Variants in DNAH5 observed in about 807,000 individuals in gnomAD.
DNAH5 encodes axonemal beta dynein heavy chain 5.
A neutral mutation model predicts 518.2 loss-of-function variants in DNAH5; 372 were observed. The ratio of observed to expected loss-of-function variants is 0.72; its 90% CI spans 0.66 to 0.78. The LOEUF is 0.78. Ranked by LOEUF, DNAH5 falls within the 30% of genes least tolerant of loss-of-function variation. DNAH5 has a pLI of 0.00. For synonymous variants in DNAH5, 2,039 were observed against 2,025.9 expected (o/e 1.01, Z -0.17); for missense variants, 5,523 against 5,687.0 (o/e 0.97, Z 0.93).
chr5:13,877,254 G>A (rs546030585), intron 21 of DNAH5, among the ~76,000 whole-genome samples: 1 of 152,284 alleles, frequency 6.6e-6, no homozygotes, highest in African/African-American at 2.4e-5. Context: ...TCTTTGAGCT[G>A]TCTGGGAGCT....
chr5:13,866,215 A>AT lies in DNAH5; in HGVS notation c.4116+4dup, dbSNP rs1293274392. ...TTAGAAAGTCATAGAAACTAAAAAG[A>AT]TTACCTGAAACATGATAAGCCTGTC... On this transcript the variant is annotated splice_donor_region_variant and intron_variant, in intron 26 of 78. Coordinates refer to ENST00000265104, the MANE Select transcript of DNAH5 (RefSeq NM_001369.3). 6.2e-7 allele frequency: 1 copy of AT among 1,613,112 alleles called. No individual in the cohort carries two copies. Among genetic ancestry groups the AT allele is most frequent in the Non-Finnish European group, 8.5e-7 (1 of 1,179,266 alleles).
chr5:13,723,587 T>A (rs561726703), intron 70 of DNAH5, among the ~76,000 whole-genome samples: 2 of 152,268 alleles, frequency 1.3e-5, no homozygotes, highest in South Asian at 4.1e-4. Flanking sequence ...GGCCAAATCA[T>A]CTCTATTGCA....
At chr5:13,709,601 T>C (rs945617350) in intron 75 of DNAH5, among the ~76,000 whole-genome samples, 19 of 152,146 alleles carry the variant, frequency 1.2e-4, no homozygotes, top group Admixed American at 5.9e-4. Flanking sequence ...GAGGCTTGCA[T>C]TGTGAACATT....
chr5:13,708,241 A>G lies in DNAH5; in HGVS notation c.13220T>C (p.Val4407Ala). The G allele has an allele frequency of 6.2e-7, 1 of 1,614,188 alleles. No individual in the cohort carries two copies. The highest frequency in any genetic ancestry group is 8.5e-7 in the Non-Finnish European group (1 of 1,180,020). The change falls in exon 76 of 79, where the codon GTC (valine) becomes GCC (alanine). Residue 4407 changes from valine (V) to alanine (A), a missense_variant. This residue lies in a region of DNAH5 where 387 missense variants were observed against 430.0 expected (regional missense o/e 0.90). Transcript: ENST00000265104. The part of the protein sequence containing the change: ...IDRMQRVLSL[V>A]RSTLTELKLA... ...TTTCAGCTCAGTGAGGGTGCTGCGG[A>G]CAAGGCTGAGTACCCTTTGCATTCT...
In DNAH5 at chr5:13,785,090, C is replaced by T. The variant is rs534061391; in HGVS notation, c.8820+1089G>A. ...TATACTATGAAATAATTATATAGCT[C>T]GCCATAATGTAGAATCAGTGGGTGC... On this transcript the variant is annotated intron_variant, in intron 52 of 78. Transcript: ENST00000265104. Among the ~76,000 whole-genome samples the T allele has an allele frequency of 3.9e-5, 6 of 152,058 alleles. No individual in the cohort carries two copies. In the East Asian group the frequency reaches 5.8e-4, roughly 15 times the overall value.
chr5:13,774,806 G>C (rs1383850122), intron 55 of DNAH5, among the ~76,000 whole-genome samples: 1 of 152,108 alleles, frequency 6.6e-6, no homozygotes, highest in Non-Finnish European at 1.5e-5. Context: ...TAAGACCTTT[G>C]TCTACAAAAG....
intron 29 of DNAH5, among the ~76,000 whole-genome samples, chr5:13,860,910 CTTAA>C (rs940836564): frequency 9.2e-5 from 14 of 152,200 alleles, no homozygotes; most frequent in African/African-American, 3.4e-4. Flanking sequence ...TTTCCATATT[CTTAA>C]TTGTTAACCA....
At chr5:13,710,074 A>T (rs1743288281) in intron 75 of DNAH5, among the ~76,000 whole-genome samples, 2 of 152,076 alleles carry the variant, frequency 1.3e-5, no homozygotes, top group Non-Finnish European at 2.9e-5. Flanking sequence ...CCCCACCGCC[A>T]ACTCCGCCAG....
At position 13,810,092 on chromosome 5, in the gene DNAH5, C is replaced by T. The variant is rs763529076; in HGVS notation, c.7576G>A (p.Asp2526Asn). ...LELPPPAGPGDTAFDYYVAPD... is the reference protein window; with the variant it reads ...LELPPPAGPGNTAFDYYVAPD... ...GCCACATAGTAGTCGAAGGCGGTGT[C>T]CCCGGGCCCCGCTGGCGGCGGCAGC... The change falls in exon 45 of 79, where the codon GAC (aspartate) becomes AAC (asparagine). Residue 2526 changes from aspartate to asparagine, a missense_variant. Around this residue, in one of 3 missense-constraint regions of DNAH5, gnomAD observed 5,121 missense variants for 5,223.3 expected, o/e 0.98. Coordinates refer to ENST00000265104, the MANE Select transcript of DNAH5 (RefSeq NM_001369.3). 1.3e-6 allele frequency: 2 copies of T among 1,552,558 alleles called. No individual in the cohort carries two copies. Among genetic ancestry groups the T allele is most frequent in the South Asian group, 1.2e-5 (1 of 84,190 alleles).
chr5:13,823,888 C>G (rs900346103), intron 39 of DNAH5, among the ~76,000 whole-genome samples: 5 of 152,188 alleles, frequency 3.3e-5, no homozygotes, highest in African/African-American at 1.2e-4. Flanking sequence ...CTACCAGGCT[C>G]TACCAGACTC....
intron 76 of DNAH5, among the ~76,000 whole-genome samples, chr5:13,702,452 C>T (rs999920219): frequency 3.3e-5 from 5 of 152,144 alleles, no homozygotes; most frequent in African/African-American, 9.7e-5. Context: ...ATACTACGTT[C>T]GGTCTGAGGG....
chr5:13,810,314 G>T (rs536321293), intron 44 of DNAH5, 54 bp from the exon 45 acceptor site: 1 of 1,475,360 alleles, frequency 6.8e-7, no homozygotes, highest in Non-Finnish European at 9.3e-7. Flanking sequence ...CCCAAACGTT[G>T]CTCTAGGGTT....
chr5:13,770,946 G>A lies in DNAH5; in HGVS notation c.9408C>T (p.Asp3136=), dbSNP rs1440438175. The A allele has an allele frequency of 1.7e-5, 27 of 1,614,022 alleles. No homozygotes were observed. The highest frequency in any genetic ancestry group is 2.3e-5 in the Non-Finnish European group (27 of 1,179,924). The change falls in exon 56 of 79, where the codon GAC becomes GAT. Residue 3136 remains aspartate (D), a synonymous_variant. Coordinates refer to ENST00000265104, the MANE Select transcript of DNAH5 (RefSeq NM_001369.3). The part of the protein sequence containing the change: ...SEHFLTSYDI[D]CSLEIKKEVV... ...CCTCCTTCTTGATTTCCAAACTGCAGTCAATATCATAGGAAGTGAGGAAGT... is the reference window on the plus strand; with the variant it reads ...CCTCCTTCTTGATTTCCAAACTGCAATCAATATCATAGGAAGTGAGGAAGT...
chr5:13,919,415 C>CGTCTA, intron 6 of DNAH5, 63 bp from the exon 7 acceptor site: 2 of 1,577,788 alleles, frequency 1.3e-6, no homozygotes, highest in Non-Finnish European at 1.7e-6. Flanking sequence ...AAGTTATAAA[C>CGTCTA]AAGCAAAAAA....
chr5:13,958,985 G>A (rs1176658981), intron 1 of DNAH5, among the ~76,000 whole-genome samples: 2 of 152,162 alleles, frequency 1.3e-5, no homozygotes, highest in Non-Finnish European at 2.9e-5. Context: ...TTGAGATGGA[G>A]TCTCCATCTG....
chr5:13,999,858 T>C (rs1326207133), intron 1 of DNAH5, among the ~76,000 whole-genome samples: 2 of 152,226 alleles, frequency 1.3e-5, no homozygotes, highest in African/African-American at 4.8e-5. Context: ...ACACTTGCCC[T>C]TTGTTGTTGC....
chr5:14,001,137 A>G (rs531261928), intron 1 of DNAH5, among the ~76,000 whole-genome samples: 4 of 152,256 alleles, frequency 2.6e-5, no homozygotes, highest in Admixed American at 2.6e-4. Flanking sequence ...ATGGAGGACT[A>G]CTCGAGGGGA....
rs150501354 is a variant in DNAH5 at position 13,770,211 on chromosome 5, T to C, written c.9605+538A>G. 7.9e-5 allele frequency among the ~76,000 whole-genome samples: 12 copies of C among 152,200 alleles called. No homozygotes were observed. In the South Asian group the frequency reaches 1.0e-3, roughly 13 times the overall value. Reference sequence around the variant, plus strand: ...GGAAGATGATCTGATCAGAAAAGCATAGGGCAGAGCAGTGACATTTGGAAG... The same window carrying C: ...GGAAGATGATCTGATCAGAAAAGCACAGGGCAGAGCAGTGACATTTGGAAG... On this transcript the variant is annotated intron_variant, in intron 56 of 78. Coordinates refer to ENST00000265104, the MANE Select transcript of DNAH5 (RefSeq NM_001369.3).
At chr5:13,938,731 C>T (rs1175349182) in intron 1 of DNAH5, among the ~76,000 whole-genome samples, 2 of 152,086 alleles carry the variant, frequency 1.3e-5, no homozygotes, top group African/African-American at 2.4e-5. Context: ...AAAGTAAATA[C>T]ATCCATGACT....
Sources: gnomAD v4.1 joint callset for allele counts (sites outside exome capture counted in the v4.1 genomes callset) on GRCh38, gnomAD v4.1.1 for gene constraint, gnomAD v4.1.1 regional missense constraint, MANE v1.5 for transcripts, NCBI Gene and HGNC (gene_info 2026-07-23, HGNC 2026-07-21) for gene names.